TBL1X: variants seen among roughly 807,000 people sequenced by gnomAD.
TBL1X encodes the protein transducin beta like 1 X-linked.
A neutral mutation model predicts 50.7 loss-of-function variants in TBL1X; 10 were observed. The observed-to-expected ratio is 0.20, with a 90% CI of 0.12 to 0.33. The LOEUF (loss-of-function observed/expected upper bound fraction) is 0.33, where lower values mean the gene tolerates loss of function less well. Among genes scored for constraint, TBL1X ranks in the 10% least tolerant of loss-of-function variants. The pLI, the probability that TBL1X is intolerant of heterozygous loss-of-function variation, is 1.00. For missense variants in TBL1X, 340 were observed against 504.4 expected (o/e 0.67, Z 3.12); for synonymous variants, 190 against 214.7 (o/e 0.88, Z 1.01).
chrX:9,526,142 C>T (rs1376833925), intron 2 of TBL1X, among the ~76,000 whole-genome samples: 3 of 61,264 alleles, frequency 4.9e-5, no homozygotes, highest in African/African-American at 2.1e-4. Flanking sequence ...AGAGGAGAGA[C>T]GGGCGGGGGA....
chrX:9,563,363 C>A (rs1257463880), intron 2 of TBL1X, among the ~76,000 whole-genome samples: 1 of 112,682 alleles, frequency 8.9e-6, no homozygotes, highest in African/African-American at 3.2e-5. Flanking sequence ...TGTGTGATAA[C>A]CATTCTACAA....
chrX:9,615,230 G>A lies in TBL1X; in HGVS notation c.-130-25043G>A, dbSNP rs73476860. 2.7e-5 allele frequency among the ~76,000 whole-genome samples: 3 copies of A among 112,038 alleles called. No homozygotes were observed. In the East Asian group the frequency reaches 8.4e-4, roughly 31 times the overall value. On this transcript the variant is annotated intron_variant, in intron 2 of 17. Coordinates refer to ENST00000645353, the MANE Select transcript of TBL1X (RefSeq NM_005647.4). ...GAAGTTGAGTTAGATAAATCAACAG[G>A]TAGCTGATGGCCTAGAATATAACTT...
Position 9,542,837 on chromosome X carries a change from A to C in TBL1X, c.-131+40988A>C, listed in dbSNP as rs757253541. On this transcript the variant is annotated intron_variant, in intron 2 of 17. Transcript: ENST00000645353. The stretch of plus-strand genomic sequence containing the variant: ...GAGTACGATTTTCCCTGGACGCTGC[A>C]GTGTATGGAGAAGCTGTCACTTGTC... Among the ~76,000 whole-genome samples, 5 of 112,269 alleles carry C rather than the reference A, an allele frequency of 4.5e-5. No individual in the cohort carries two copies. In the East Asian group the frequency reaches 1.1e-3, roughly 25 times the overall value.
intron 2 of TBL1X, among the ~76,000 whole-genome samples, chrX:9,555,260 A>G (rs752500975): frequency 9.0e-6 from 1 of 110,746 alleles, no homozygotes; most frequent in Non-Finnish European, 1.9e-5. Flanking sequence ...TTAGTTTTGT[A>G]GAGAGAGTGT....
At chrX:9,568,455 G>A (rs1228190715) in intron 2 of TBL1X, among the ~76,000 whole-genome samples, 1 of 107,806 alleles carries the variant, frequency 9.3e-6, no homozygotes, top group Non-Finnish European at 2.0e-5. Context: ...GGCTATATGC[G>A]GCGTGCTGTG....
chrX:9,689,838 A>G (rs1024046263), intron 7 of TBL1X, among the ~76,000 whole-genome samples: 1 of 112,549 alleles, frequency 8.9e-6, no homozygotes, highest in Non-Finnish European at 1.9e-5. Flanking sequence ...GCCAGATGAC[A>G]CTTTCAGAGC....
chrX:9,482,457 A>G (rs1037179081), intron 1 of TBL1X, among the ~76,000 whole-genome samples: 7 of 112,244 alleles, frequency 6.2e-5, no homozygotes, highest in African/African-American at 9.7e-5. Context: ...CTGACTAAAA[A>G]GATATGGGAC....
At chrX:9,622,133 A>G (rs2082670412) in intron 2 of TBL1X, among the ~76,000 whole-genome samples, 1 of 110,447 alleles carries the variant, frequency 9.1e-6, no homozygotes, top group African/African-American at 3.3e-5. Context: ...TTTGGAAGAC[A>G]TATGTGCTTT....
chrX:9,638,110 T>C, intron 2 of TBL1X, among the ~76,000 whole-genome samples: 1 of 111,598 alleles, frequency 9.0e-6, no homozygotes, highest in South Asian at 3.8e-4. Flanking sequence ...CTGTGTTGTG[T>C]CAGCTTAGAG....
intron 1 of TBL1X, among the ~76,000 whole-genome samples, chrX:9,494,654 T>G (rs974652366): frequency 8.9e-6 from 1 of 112,279 alleles, no homozygotes; most frequent in African/African-American, 3.2e-5. Flanking sequence ...TTCGTGAATT[T>G]GCTTAAGTAG....
At chrX:9,675,551 G>GATA (rs1410625430) in intron 5 of TBL1X, among the ~76,000 whole-genome samples, 1 of 111,438 alleles carries the variant, frequency 9.0e-6, no homozygotes, top group Non-Finnish European at 1.9e-5. Context: ...AGAGAACAGG[G>GATA]ATACAATATT....
At chrX:9,619,663 G>A (rs192826707) in intron 2 of TBL1X, among the ~76,000 whole-genome samples, 255 of 112,610 alleles carry the variant, frequency 2.3e-3, no homozygotes, top group Middle Eastern at 4.6e-3. Flanking sequence ...TTTAAAGTTT[G>A]TAGTTAAAAT....
At chrX:9,625,157 T>G (rs2146572208) in intron 2 of TBL1X, among the ~76,000 whole-genome samples, 1 of 112,663 alleles carries the variant, frequency 8.9e-6, no homozygotes, top group African/African-American at 3.2e-5. Flanking sequence ...GGTTTTTAAA[T>G]TTTTATGTGT....
intron 2 of TBL1X, among the ~76,000 whole-genome samples, chrX:9,622,073 CTG>C (rs748648167): frequency 2.0e-4 from 22 of 109,928 alleles, no homozygotes; most frequent in African/African-American, 7.3e-4. Flanking sequence ...ACTCTCATAA[CTG>C]TTTCGATATT....
chrX:9,503,749 C>T (rs2082012791), intron 2 of TBL1X, among the ~76,000 whole-genome samples: 2 of 112,553 alleles, frequency 1.8e-5, no homozygotes, highest in South Asian at 3.6e-4. Context: ...TGCTGGATCT[C>T]CAGTAACTCC....
At chrX:9,664,063 C>G (rs1041049362) in intron 5 of TBL1X, among the ~76,000 whole-genome samples, 4 of 111,791 alleles carry the variant, frequency 3.6e-5, no homozygotes, top group East Asian at 2.8e-4. Context: ...AGTTTGTGTT[C>G]CAGTGAGCAT....
chrX:9,503,420 G>A (rs1159394725), intron 2 of TBL1X, among the ~76,000 whole-genome samples: 2 of 113,218 alleles, frequency 1.8e-5, no homozygotes, highest in Non-Finnish European at 3.7e-5. Flanking sequence ...CAAACTCCTC[G>A]GGGAGGGGTG....
At chrX:9,561,126 A>G (rs919637753) in intron 2 of TBL1X, among the ~76,000 whole-genome samples, 13 of 111,379 alleles carry the variant, frequency 1.2e-4, no homozygotes, top group African/African-American at 4.2e-4. Context: ...TCACCATGAC[A>G]TCTGACACTC....
At chrX:9,509,183 C>T (rs1191703117) in intron 2 of TBL1X, among the ~76,000 whole-genome samples, 7 of 106,346 alleles carry the variant, frequency 6.6e-5, no homozygotes, top group East Asian at 3.0e-4. Context: ...GTCAGGAGAT[C>T]GAAATCATCC....
Sources: allele counts gnomAD v4.1 joint callset (sites outside exome capture counted in the v4.1 genomes callset), GRCh38; gene constraint gnomAD v4.1.1; transcripts MANE v1.5; gene names NCBI Gene and HGNC (gene_info 2026-07-23, HGNC 2026-07-21).